TERB2: variants seen among roughly 807,000 people sequenced by gnomAD.
TERB2 encodes telomere repeats-binding bouquet formation protein 2.
Under a neutral mutation model 29.8 loss-of-function variants are expected in TERB2, and 26 were observed. The observed-to-expected ratio is 0.87, with a 90% CI of 0.64 to 1.21. The LOEUF is 1.21. TERB2 is among the 50% of genes most tolerant of loss of function. The pLI is 0.00. For synonymous variants in TERB2, 80 were observed against 90.8 expected (o/e 0.88, Z 0.68); for missense variants, 240 against 268.6 (o/e 0.89, Z 0.74).
intron 5 of TERB2, among the ~76,000 whole-genome samples, chr15:44,968,675 G>A (rs1490478007): frequency 7.7e-6 from 1 of 130,580 alleles, no homozygotes; most frequent in African/African-American, 3.0e-5. Context: ...GTTCACTGCA[G>A]CCTCAACCTC....
intron 4 of TERB2, among the ~76,000 whole-genome samples, chr15:44,965,618 A>T (rs1399023097): frequency 6.9e-6 from 1 of 145,054 alleles, no homozygotes; most frequent in African/African-American, 2.5e-5. Context: ...ATAGATATAT[A>T]AATATATATC....
chr15:44,959,631 G>T (rs1891771617), intron 3 of TERB2, among the ~76,000 whole-genome samples: 1 of 152,156 alleles, frequency 6.6e-6, no homozygotes, highest in Non-Finnish European at 1.5e-5. Context: ...GCCCCCCAAA[G>T]TGCTGGGAAT....
chr15:44,972,155 A>AT (rs1463029787), intron 5 of TERB2, among the ~76,000 whole-genome samples: 3 of 151,014 alleles, frequency 2.0e-5, no homozygotes, highest in East Asian at 2.0e-4. Context: ...ACGCCTGGCT[A>AT]TTTTTTTGTA....
chr15:44,973,493 CATA>C (rs1277815516), intron 5 of TERB2: 1 of 152,042 alleles, frequency 6.6e-6, no homozygotes, highest in Non-Finnish European at 1.5e-5. Flanking sequence ...AAAAGAAGTT[CATA>C]ATTAACATTT....
At chr15:44,965,181 AAAAAAAAGAAAAGG>A in intron 4 of TERB2, among the ~76,000 whole-genome samples, 1 of 145,628 alleles carries the variant, frequency 6.9e-6, no homozygotes, top group African/African-American at 2.6e-5. Flanking sequence ...AAAAAAAAAA[AAAAAAAAGAAAAGG>A]AAAAAAAAGA....
chr15:44,972,742 C>T (rs1288448004), intron 5 of TERB2, among the ~76,000 whole-genome samples: 3 of 151,902 alleles, frequency 2.0e-5, no homozygotes, highest in African/African-American at 7.3e-5. Flanking sequence ...TCTCAAACTC[C>T]TGACCTTAAG....
rs368720229 is a variant in TERB2 at position 44,966,247 on chromosome 15, T to C, written c.434+4T>C. The C allele has an allele frequency of 5.4e-5, 82 of 1,520,290 alleles. No individual in the cohort carries two copies. The highest frequency in any genetic ancestry group is 2.7e-4 in the East Asian group (11 of 40,432). 94.2% of individuals were successfully genotyped at this position (1,520,290 alleles called of 1,614,324 possible). A position where few individuals can be genotyped will look rare whatever the true frequency, so the allele number is the denominator to read the frequency against. ...ACAAAAAAGAATTATCCAAAAGGTA[T>C]TGAATTCAGAAACTTCATTAATATT... is the stretch of plus-strand genomic sequence containing the variant. On this transcript the variant is annotated splice_donor_region_variant and intron_variant, in intron 5 of 6. Transcript: ENST00000340827.
intron 4 of TERB2, among the ~76,000 whole-genome samples, chr15:44,962,550 T>G (rs1221806541): frequency 6.6e-6 from 1 of 152,150 alleles, no homozygotes; most frequent in Admixed American, 6.5e-5. Flanking sequence ...ATGCACAGTT[T>G]GTTCAATGTT....
At chr15:44,965,985 A>C (rs541936551) in intron 4 of TERB2, among the ~76,000 whole-genome samples, 173 bp from the exon 5 acceptor site, 1 of 152,210 alleles carries the variant, frequency 6.6e-6, no homozygotes, top group East Asian at 1.9e-4. Context: ...TGTGTGTGGA[A>C]AAAATTTTGT....
chr15:44,972,301 A>T (rs1195548834), intron 5 of TERB2, among the ~76,000 whole-genome samples: 1 of 151,892 alleles, frequency 6.6e-6, no homozygotes, highest in African/African-American at 2.4e-5. Flanking sequence ...TTAAAAATGG[A>T]AAATAAAGCC....
In TERB2 at chr15:44,956,709, TGGCGAC is replaced by T; in HGVS notation, c.-8_-3del. ...CTCCTCTCTCACATCTCCACAGGCTTGGCGACGCCATGTTTCAAGGGCAGCGCGGTT... is the reference window on the plus strand; with the variant it reads ...CTCCTCTCTCACATCTCCACAGGCTTGCCATGTTTCAAGGGCAGCGCGGTT... On this transcript the variant is annotated 5_prime_UTR_variant, in exon 1 of 7. Transcript: ENST00000340827. 6.2e-7 allele frequency: 1 copy of T among 1,600,124 alleles called. No homozygotes were observed. The highest frequency in any genetic ancestry group is 8.5e-7 in the Non-Finnish European group (1 of 1,173,968).
chr15:44,962,390 C>T (rs1891820150), intron 4 of TERB2, among the ~76,000 whole-genome samples: 1 of 151,018 alleles, frequency 6.6e-6, no homozygotes, highest in Non-Finnish European at 1.5e-5. Context: ...AGGGTTTCAC[C>T]GTGTTAGCCA....
chr15:44,971,710 C>G lies in TERB2; in HGVS notation c.435-2157C>G, dbSNP rs181718281. Among the ~76,000 whole-genome samples the G allele has an allele frequency of 2.7e-3, 417 of 152,062 alleles. 5 individuals carry two copies. The highest frequency in any genetic ancestry group is 9.7e-3 in the African/African-American group (404 of 41,468). On this transcript the variant is annotated intron_variant, in intron 5 of 6. Transcript: ENST00000340827. ...GCCTGAGCTTGCAGTAAGCCAAGAC[C>G]ATGCCACTGCACTCCAGCCTGGGTG...
At chr15:44,958,819 C>T (rs1043777303) in intron 3 of TERB2, among the ~76,000 whole-genome samples, 4 of 152,170 alleles carry the variant, frequency 2.6e-5, no homozygotes, top group African/African-American at 7.2e-5. Flanking sequence ...TCACAGGCTA[C>T]GATCTAATGC....
At chr15:44,968,860 G>A (rs1434604425) in intron 5 of TERB2, among the ~76,000 whole-genome samples, 3 of 151,772 alleles carry the variant, frequency 2.0e-5, no homozygotes, top group African/African-American at 4.8e-5. Context: ...GTAAATTATC[G>A]GATGTGGAAA....
At chr15:44,959,512 C>T (rs527504101) in intron 3 of TERB2, among the ~76,000 whole-genome samples, 4 of 152,174 alleles carry the variant, frequency 2.6e-5, no homozygotes, top group Non-Finnish European at 4.4e-5. Flanking sequence ...GGACTACAGG[C>T]GCCCACCACC....
At chr15:44,957,020 C>A (rs1469697395) in intron 2 of TERB2, 43 bp downstream of exon 2, 8 of 1,569,370 alleles carry the variant, frequency 5.1e-6, no homozygotes, top group Non-Finnish European at 7.0e-6. Flanking sequence ...TTAGGATGAG[C>A]CGGGAGTTAG....
intron 2 of TERB2, 87 bp downstream of exon 2, chr15:44,957,064 T>C: frequency 7.2e-7 from 1 of 1,386,016 alleles, no homozygotes; most frequent in Non-Finnish European, 1.0e-6. Flanking sequence ...TAAATATTGA[T>C]GAGGCTGGGC....
chr15:44,977,890 C>T (rs1241344449), intron 6 of TERB2, among the ~76,000 whole-genome samples: 2 of 152,140 alleles, frequency 1.3e-5, no homozygotes, highest in Non-Finnish European at 1.5e-5. Flanking sequence ...ATTGCTTAGT[C>T]ATAGAGTCCT....
Sources: gnomAD v4.1 joint callset for allele counts (sites outside exome capture counted in the v4.1 genomes callset) on GRCh38, gnomAD v4.1.1 for gene constraint, MANE v1.5 for transcripts, NCBI Gene and HGNC (gene_info 2026-07-23, HGNC 2026-07-21) for gene names.